The following CDH12 variants were observed in gnomAD, a reference collection of about 807,000 sequenced individuals.
CDH12 encodes the protein cadherin-12.
Under a neutral mutation model 74.1 loss-of-function variants are expected in CDH12, and 41 were observed. That is an observed-to-expected ratio of 0.55 (90% CI 0.43 to 0.72). The LOEUF is 0.72. Ranked by LOEUF, CDH12 falls within the 30% of genes least tolerant of loss-of-function variation. CDH12 has a pLI of 0.00. For missense variants in CDH12, 945 were observed against 977.2 expected (o/e 0.97, Z 0.44); for synonymous variants, 399 against 355.0 (o/e 1.12, Z -1.39).
At chr5:21,985,816 T>G (rs1433507922) in intron 5 of CDH12, among the ~76,000 whole-genome samples, 2 of 152,152 alleles carry the variant, frequency 1.3e-5, no homozygotes, top group Admixed American at 6.6e-5. Context: ...ACAAAGCCAT[T>G]AGATTATACT....
At chr5:22,239,385 G>A (rs547844980) in intron 3 of CDH12, among the ~76,000 whole-genome samples, 1 of 152,092 alleles carries the variant, frequency 6.6e-6, no homozygotes, top group East Asian at 1.9e-4. Flanking sequence ...GAGGCATGGA[G>A]CCCTGTGGGG....
chr5:21,852,636 T>C (rs938803181), intron 7 of CDH12, among the ~76,000 whole-genome samples: 2 of 151,504 alleles, frequency 1.3e-5, no homozygotes, highest in Non-Finnish European at 3.0e-5. Flanking sequence ...AATATTAAAT[T>C]CTTAATGCTA....
chr5:21,885,760 T>C (rs1374237432), intron 6 of CDH12, among the ~76,000 whole-genome samples: 5 of 152,182 alleles, frequency 3.3e-5, no homozygotes, highest in African/African-American at 1.2e-4. Flanking sequence ...GTCTCTACTA[T>C]ATCATCAGTG....
At chr5:22,513,418 T>A (rs1736688784) in intron 1 of CDH12, among the ~76,000 whole-genome samples, 1 of 151,994 alleles carries the variant, frequency 6.6e-6, no homozygotes, top group South Asian at 2.1e-4. Flanking sequence ...ACAAGCACTC[T>A]CCAGGCCCTT....
chr5:22,630,888 T>G (rs1041168665), intron 1 of CDH12, among the ~76,000 whole-genome samples: 1 of 151,998 alleles, frequency 6.6e-6, no homozygotes. Flanking sequence ...AAATTATGCA[T>G]CCAACAAAGG....
At chr5:22,656,010 C>T (rs1046710075) in intron 1 of CDH12, among the ~76,000 whole-genome samples, 1 of 152,110 alleles carries the variant, frequency 6.6e-6, no homozygotes, top group African/African-American at 2.4e-5. Context: ...TTTGGGACTA[C>T]CACTGAGACC....
chr5:22,492,928 T>G (rs754433501), intron 2 of CDH12, among the ~76,000 whole-genome samples: 1 of 152,158 alleles, frequency 6.6e-6, no homozygotes, highest in South Asian at 2.1e-4. Context: ...CTCCTCATCA[T>G]AGCCAAAAAG....
At chr5:22,695,312 T>A (rs182262268) in intron 1 of CDH12, among the ~76,000 whole-genome samples, 24 of 152,312 alleles carry the variant, frequency 1.6e-4, no homozygotes, top group African/African-American at 5.8e-4. Context: ...CATACGTTTG[T>A]ATGTGTACTT....
chr5:22,349,520 A>T (rs16894371), intron 3 of CDH12, among the ~76,000 whole-genome samples: 3,862 of 152,238 alleles, frequency 0.025, 104 homozygotes, highest in East Asian at 0.11. Flanking sequence ...TCATAATTTT[A>T]ATCCCCTCTT....
intron 5 of CDH12, among the ~76,000 whole-genome samples, chr5:22,011,165 T>C (rs1580109740): frequency 6.6e-6 from 1 of 152,068 alleles, no homozygotes; most frequent in African/African-American, 2.4e-5. Context: ...TATGAAGGCA[T>C]GCCAGAAGGA....
chr5:21,889,662 G>C (rs1260788051), intron 6 of CDH12: 1 of 984,942 alleles, frequency 1.0e-6, no homozygotes, highest in African/African-American at 1.7e-5. Flanking sequence ...TCAGTATCCT[G>C]AATGCTGAAC....
chr5:22,631,403 A>T (rs1738578383), intron 1 of CDH12, among the ~76,000 whole-genome samples: 1 of 152,202 alleles, frequency 6.6e-6, no homozygotes, highest in South Asian at 2.1e-4. Context: ...TATCATTGCT[A>T]GACTGGATAA....
In CDH12 at chr5:21,871,605, C is replaced by T. The variant is rs185869283; in HGVS notation, c.527-16815G>A. 3.9e-3 allele frequency among the ~76,000 whole-genome samples: 592 copies of T among 152,170 alleles called. 7 individuals are homozygous for T. Among genetic ancestry groups the T allele is most frequent in the African/African-American group, 0.013 (554 of 41,524 alleles). On this transcript the variant is annotated intron_variant, in intron 6 of 14. Coordinates refer to ENST00000382254, the MANE Select transcript of CDH12 (RefSeq NM_004061.5). ...AAAATTAGCTGGGCGTGGTGGCACA[C>T]GCCTGTAATCCCACCTACTCGGGAG...
intron 2 of CDH12, among the ~76,000 whole-genome samples, chr5:22,444,153 C>A (rs1278432581): frequency 6.6e-6 from 1 of 151,930 alleles, no homozygotes; most frequent in Non-Finnish European, 1.5e-5. Context: ...TTAAATAAAT[C>A]CATTTCATCT....
intron 1 of CDH12, among the ~76,000 whole-genome samples, chr5:22,780,362 C>A (rs2584443): frequency 0.24 from 36,308 of 152,010 alleles, 4,440 homozygotes; most frequent in East Asian, 0.38. Flanking sequence ...CAGTCTCAGG[C>A]TGCTATAAAG....
intron 1 of CDH12, among the ~76,000 whole-genome samples, chr5:22,652,288 T>A (rs1364055396): frequency 1.3e-5 from 2 of 152,098 alleles, no homozygotes; most frequent in Non-Finnish European, 2.9e-5. Flanking sequence ...ACAATGGTAA[T>A]CAACACTAGG....
chr5:22,074,754 A>C (rs992025689), intron 5 of CDH12, among the ~76,000 whole-genome samples: 2 of 152,304 alleles, frequency 1.3e-5, no homozygotes, highest in African/African-American at 4.8e-5. Context: ...TCAAAACCAC[A>C]ATGAGATACC....
chr5:22,242,734 G>T (rs563277268), intron 3 of CDH12, among the ~76,000 whole-genome samples: 1 of 151,992 alleles, frequency 6.6e-6, no homozygotes, highest in African/African-American at 2.4e-5. Flanking sequence ...CTGGCCTCCC[G>T]CTCCTCTTGG....
chr5:22,194,230 G>A (rs138272787), intron 4 of CDH12, among the ~76,000 whole-genome samples: 6,492 of 151,918 alleles, frequency 0.043, 208 homozygotes, highest in Non-Finnish European at 0.062. Flanking sequence ...GAGCTAGAGA[G>A]GTGACACACT....
Sources: gnomAD v4.1 joint callset for allele counts (sites outside exome capture counted in the v4.1 genomes callset) on GRCh38, gnomAD v4.1.1 for gene constraint, MANE v1.5 for transcripts, NCBI Gene and HGNC (gene_info 2026-07-23, HGNC 2026-07-21) for gene names.